IL1RAPL1: variants seen among roughly 807,000 people sequenced by gnomAD.
IL1RAPL1 encodes the protein interleukin-1 receptor accessory protein-like 1.
A neutral mutation model predicts 48.4 loss-of-function variants in IL1RAPL1; 3 were observed. The observed-to-expected ratio is 0.06, with a 90% CI of 0.03 to 0.16. The LOEUF (loss-of-function observed/expected upper bound fraction) is 0.16, where lower values mean the gene tolerates loss of function less well. Among genes scored for constraint, IL1RAPL1 ranks in the 10% least tolerant of loss-of-function variants. IL1RAPL1 has a pLI of 1.00. For missense variants in IL1RAPL1, 349 were observed against 530.6 expected (o/e 0.66, Z 3.36); for synonymous variants, 185 against 187.7 (o/e 0.99, Z 0.12).
intron 2 of IL1RAPL1, among the ~76,000 whole-genome samples, chrX:29,154,305 C>T (rs1260183861): frequency 9.0e-6 from 1 of 111,140 alleles, no homozygotes; most frequent in Admixed American, 9.6e-5. Context: ...TTTGGGAGGC[C>T]GAGGCGGGTG....
intron 5 of IL1RAPL1, among the ~76,000 whole-genome samples, chrX:29,478,755 C>T (rs901442228): frequency 2.7e-5 from 3 of 110,256 alleles, no homozygotes; most frequent in Non-Finnish European, 3.8e-5. Flanking sequence ...GTTGGTTTCT[C>T]ATCTGCTTTT....
At chrX:29,292,317 A>T (rs1158380067) in intron 3 of IL1RAPL1, among the ~76,000 whole-genome samples, 1 of 111,628 alleles carries the variant, frequency 9.0e-6, no homozygotes, top group Non-Finnish European at 1.9e-5. Context: ...CTAAATCATG[A>T]TTTTTGGTAT....
chrX:29,357,568 A>T (rs1299458396), intron 3 of IL1RAPL1, among the ~76,000 whole-genome samples: 1 of 112,388 alleles, frequency 8.9e-6, no homozygotes, highest in Admixed American at 9.5e-5. Context: ...GCCCCGTAAT[A>T]GCAGAAATGT....
intron 5 of IL1RAPL1, among the ~76,000 whole-genome samples, chrX:29,430,619 G>A (rs1280129077): frequency 1.8e-5 from 2 of 109,409 alleles, no homozygotes; most frequent in Admixed American, 9.9e-5. Flanking sequence ...GTGTGTGTAT[G>A]TGTATGTTAT....
At chrX:28,697,579 G>C (rs751045974) in intron 1 of IL1RAPL1, among the ~76,000 whole-genome samples, 19 of 111,355 alleles carry the variant, frequency 1.7e-4, no homozygotes, top group African/African-American at 6.2e-4. Context: ...CAGATGGAAG[G>C]ACAGTTGTGA....
intron 2 of IL1RAPL1, among the ~76,000 whole-genome samples, chrX:29,217,582 T>C (rs1930894615): frequency 8.9e-6 from 1 of 111,810 alleles, no homozygotes; most frequent in African/African-American, 3.2e-5. Flanking sequence ...AGCTGCCAGG[T>C]ATTTATCTTA....
chrX:29,647,841 G>C (rs1925382913), intron 5 of IL1RAPL1, among the ~76,000 whole-genome samples: 1 of 111,717 alleles, frequency 9.0e-6, no homozygotes. Flanking sequence ...AAATTATCCA[G>C]TCAAAGATAT....
rs755052444 is a variant in IL1RAPL1 at position 29,714,703 on chromosome X, G to A, written c.778+46199G>A. On this transcript the variant is annotated intron_variant, in intron 6 of 10. Coordinates refer to ENST00000378993, the MANE Select transcript of IL1RAPL1 (RefSeq NM_014271.4). ...GATTCTAGGATTATTCATGTGCTAG[G>A]TCAGGAAAATACAGAAGCTCTATGT... Among the ~76,000 whole-genome samples the A allele has an allele frequency of 3.6e-5, 4 of 111,745 alleles. No homozygotes were observed. The East Asian group carries it at 1.1e-3, about 32-fold the overall frequency.
chrX:29,583,053 C>T (rs1416442881), intron 5 of IL1RAPL1, among the ~76,000 whole-genome samples: 4 of 103,227 alleles, frequency 3.9e-5, no homozygotes, highest in Admixed American at 3.2e-4. Context: ...TCTCCAGCAC[C>T]TGTTGTTTCC....
chrX:29,341,101 G>T (rs1000968979), intron 3 of IL1RAPL1, among the ~76,000 whole-genome samples: 1 of 111,692 alleles, frequency 9.0e-6, no homozygotes, highest in East Asian at 2.8e-4. Flanking sequence ...TTCCTAGTAT[G>T]GCAGAATGAA....
At chrX:28,823,084 C>T (rs971570857) in intron 2 of IL1RAPL1, among the ~76,000 whole-genome samples, 1 of 111,425 alleles carries the variant, frequency 9.0e-6, no homozygotes, top group African/African-American at 3.3e-5. Flanking sequence ...TTCTTCAACC[C>T]ATCTCATAAT....
chrX:29,297,670 G>C (rs181270411), intron 3 of IL1RAPL1, among the ~76,000 whole-genome samples: 112 of 111,974 alleles, frequency 1.0e-3, no homozygotes, highest in African/African-American at 3.4e-3. Context: ...AGAAGTATTG[G>C]CTTTCTAGAA....
intron 2 of IL1RAPL1, among the ~76,000 whole-genome samples, chrX:29,258,694 G>A (rs780217538): frequency 9.0e-6 from 1 of 110,679 alleles, no homozygotes; most frequent in African/African-American, 3.3e-5. Context: ...CAGAGGCTCT[G>A]TTAGCATTTA....
At chrX:29,888,174 G>T (rs1038028427) in intron 6 of IL1RAPL1, among the ~76,000 whole-genome samples, 1 of 109,651 alleles carries the variant, frequency 9.1e-6, no homozygotes, top group African/African-American at 3.3e-5. Flanking sequence ...AAAAATTAAA[G>T]GTAAACTTTT....
At chrX:29,010,248 C>A (rs1926090936) in intron 2 of IL1RAPL1, among the ~76,000 whole-genome samples, 1 of 111,622 alleles carries the variant, frequency 9.0e-6, no homozygotes, top group Non-Finnish European at 1.9e-5. Context: ...TGATCTCTTG[C>A]CTTGTTGCTC....
rs57923954 is a variant in IL1RAPL1, at chrX:28,831,026, CTGTGTGTGTGTG to C, written c.82+41641_82+41652del. On this transcript the variant is annotated intron_variant, in intron 2 of 10. Transcript: ENST00000378993. ...TCTCTCTCTCTCTCTCTCTCTCTCT[CTGTGTGTGTGTG>C]TGTGTGTGTGTGTGTGTGTGTGTGT... Among the ~76,000 whole-genome samples the C allele has an allele frequency of 5.2e-3, 174 of 33,600 alleles. 1 individual carries two copies. Among genetic ancestry groups the C allele is most frequent in the African/African-American group, 8.6e-3 (57 of 6,615 alleles). 29.2% of individuals were successfully genotyped at this position (33,600 alleles called of 115,157 possible). A position where few individuals can be genotyped will look rare whatever the true frequency, so the allele number is the denominator to read the frequency against.
chrX:29,522,676 C>A (rs1039043070), intron 5 of IL1RAPL1, among the ~76,000 whole-genome samples: 2 of 112,134 alleles, frequency 1.8e-5, no homozygotes, highest in Non-Finnish European at 3.8e-5. Context: ...TTAAACAGTT[C>A]TCTGTTCACT....
At chrX:29,406,994 T>A (rs1934080730) in intron 5 of IL1RAPL1, among the ~76,000 whole-genome samples, 1 of 112,551 alleles carries the variant, frequency 8.9e-6, no homozygotes, top group African/African-American at 3.2e-5. Context: ...TGCTTTTATA[T>A]TTTTTCTGGA....
At chrX:29,680,833 G>C (rs1926429648) in intron 6 of IL1RAPL1, among the ~76,000 whole-genome samples, 1 of 111,406 alleles carries the variant, frequency 9.0e-6, no homozygotes, top group African/African-American at 3.3e-5. Context: ...ATCCTTTCCT[G>C]TGTATCTGTA....
Sources: gnomAD v4.1 joint callset for allele counts (sites outside exome capture counted in the v4.1 genomes callset) on GRCh38, gnomAD v4.1.1 for gene constraint, MANE v1.5 for transcripts, NCBI Gene and HGNC (gene_info 2026-07-23, HGNC 2026-07-21) for gene names.